The following TNKS2 variants were observed in gnomAD, a reference collection of about 807,000 sequenced individuals.
The protein encoded by TNKS2 is poly [ADP-ribose] polymerase tankyrase-2.
TNKS2 carries 72 observed loss-of-function variants against 137.6 expected under a neutral mutation model. The ratio of observed to expected loss-of-function variants is 0.52; its 90% confidence interval spans 0.43 to 0.64. The LOEUF (loss-of-function observed/expected upper bound fraction) is 0.64. TNKS2 is among the 30% of genes least tolerant of loss of function. TNKS2 has a pLI of 0.00. For synonymous variants in TNKS2, 516 were observed against 512.1 expected, an observed-to-expected ratio of 1.01 and a Z score of -0.10; for missense variants, 1,049 against 1,410.2, an observed-to-expected ratio of 0.74 and a Z score of 4.10.
At chr10:91,842,750 GTGAGACCC>G (rs1012719572) in intron 16 of TNKS2, among the ~76,000 whole-genome samples, 2 of 150,768 alleles carry the variant, frequency 1.3e-5, no homozygotes, top group Non-Finnish European at 2.9e-5. Context: ...CAGAAACAAA[GTGAGACCC>G]TGTCTCAAAA....
chr10:91,848,775 C>T (rs1842458277), intron 19 of TNKS2, 140 bp downstream of exon 19: 1 of 915,280 alleles, frequency 1.1e-6, no homozygotes. Context: ...AAAGGTTTAA[C>T]CTTGTATTAC....
chr10:91,799,139 CTTTGT>C (rs1844073164), intron 1 of TNKS2, among the ~76,000 whole-genome samples: 1 of 151,978 alleles, frequency 6.6e-6, no homozygotes, highest in Non-Finnish European at 1.5e-5. Flanking sequence ...GGGGTTTTGG[CTTTGT>C]TTTGTTTTAC....
intron 21 of TNKS2, 87 bp from the exon 22 acceptor site, chr10:91,854,942 A>T: frequency 1.4e-6 from 1 of 705,408 alleles, no homozygotes; most frequent in Non-Finnish European, 2.4e-6. Context: ...GGTAGTAAGA[A>T]TCAGAAAAAT....
intron 11 of TNKS2, 65 bp from the exon 12 acceptor site, chr10:91,833,788 T>C: frequency 1.5e-6 from 2 of 1,310,772 alleles, no homozygotes; most frequent in Non-Finnish European, 2.0e-6. Context: ...AAGTGTTAAA[T>C]ACATGATTGT....
At chr10:91,822,231 T>C in intron 6 of TNKS2, 65 bp from the exon 7 acceptor site, 1 of 1,265,950 alleles carries the variant, frequency 7.9e-7, no homozygotes, top group Non-Finnish European at 1.1e-6. Context: ...AATTTTAATT[T>C]ATAAATTTCC....
chr10:91,836,538 G>A (rs529643896), intron 12 of TNKS2: 12 of 709,104 alleles, frequency 1.7e-5, no homozygotes, highest in Non-Finnish European at 2.1e-5. Context: ...TTCCAGTTCA[G>A]ATAGCTAATT....
intron 18 of TNKS2, among the ~76,000 whole-genome samples, chr10:91,846,412 AC>A (rs1842372987): frequency 6.6e-6 from 1 of 152,126 alleles, no homozygotes; most frequent in Non-Finnish European, 1.5e-5. Flanking sequence ...TGCTCACCCT[AC>A]CTTAACTGTT....
At chr10:91,833,421 G>T (rs968220509) in intron 11 of TNKS2, among the ~76,000 whole-genome samples, 1 of 151,872 alleles carries the variant, frequency 6.6e-6, no homozygotes, top group Non-Finnish European at 1.5e-5. Flanking sequence ...TATATTTTAG[G>T]TAATAAATAA....
In TNKS2 at chr10:91,862,175, T is replaced by C. The variant is rs768200357; in HGVS notation, c.3438+20T>C. On this transcript the variant is annotated intron_variant, in intron 26 of 26. Transcript: ENST00000371627. ...GAACAGGTAATGTAGTTTTATTTGT[T>C]CATCTTCAAAAATGCTAGGGAGGCA... is the stretch of plus-strand genomic sequence containing the variant. 1.4e-5 allele frequency: 21 copies of C among 1,552,330 alleles called. No individual in the cohort carries two copies. Among genetic ancestry groups the C allele is most frequent in the Admixed American group, 9.7e-5 (5 of 51,480 alleles).
At chr10:91,815,449 A>C (rs533047123) in intron 2 of TNKS2, among the ~76,000 whole-genome samples, 1 of 149,708 alleles carries the variant, frequency 6.7e-6, no homozygotes, top group South Asian at 2.2e-4. Context: ...AGAATCTTAG[A>C]CATATAATTA....
At chr10:91,853,086 T>C (rs150295752) in intron 21 of TNKS2, among the ~76,000 whole-genome samples, 1 of 152,348 alleles carries the variant, frequency 6.6e-6, no homozygotes, top group African/African-American at 2.4e-5. Flanking sequence ...TGATCTGGTA[T>C]GATAACAATT....
intron 1 of TNKS2, among the ~76,000 whole-genome samples, chr10:91,805,973 T>C (rs563367986): frequency 6.6e-6 from 1 of 151,352 alleles, no homozygotes; most frequent in Non-Finnish European, 1.5e-5. Context: ...AAGTCAGGGC[T>C]AATGACAGCA....
intron 20 of TNKS2, among the ~76,000 whole-genome samples, chr10:91,850,773 C>T (rs1457434728): frequency 1.3e-5 from 2 of 152,132 alleles, no homozygotes; most frequent in Admixed American, 6.5e-5. Context: ...GAGCTAGGCT[C>T]ATCAGGGAAT....
At chr10:91,819,748 A>G (rs1270987135) in intron 5 of TNKS2, among the ~76,000 whole-genome samples, 191 bp downstream of exon 5, 2 of 152,202 alleles carry the variant, frequency 1.3e-5, no homozygotes, top group Non-Finnish European at 2.9e-5. Flanking sequence ...TGCTTCCTAT[A>G]TGCAATAGTG....
At chr10:91,851,149 A>G in intron 20 of TNKS2, 67 bp from the exon 21 acceptor site, 1 of 1,558,864 alleles carries the variant, frequency 6.4e-7, no homozygotes, top group Non-Finnish European at 8.7e-7. Flanking sequence ...CATATTATGA[A>G]AACACCAATA....
intron 9 of TNKS2, 64 bp downstream of exon 9, chr10:91,828,470 A>G (rs1180116728): frequency 2.2e-6 from 3 of 1,372,980 alleles, no homozygotes; most frequent in Non-Finnish European, 1.9e-6. Context: ...TAATCATAAT[A>G]TCCTACTTTT....
intron 13 of TNKS2, among the ~76,000 whole-genome samples, 185 bp downstream of exon 13, chr10:91,837,183 T>A (rs1268536804): frequency 6.6e-6 from 1 of 152,220 alleles, no homozygotes; most frequent in African/African-American, 2.4e-5. Context: ...AAGACTTCAC[T>A]TTCACCTGCA....
At chr10:91,806,939 A>G (rs1052975079) in intron 1 of TNKS2, among the ~76,000 whole-genome samples, 1 of 151,436 alleles carries the variant, frequency 6.6e-6, no homozygotes, top group Non-Finnish European at 1.5e-5. Context: ...AATAATCTCC[A>G]GTTTCTAAGA....
intron 7 of TNKS2, among the ~76,000 whole-genome samples, chr10:91,824,998 G>C (rs1845019864): frequency 6.6e-6 from 1 of 152,098 alleles, no homozygotes; most frequent in Non-Finnish European, 1.5e-5. Flanking sequence ...AGTATTGCAA[G>C]CAATATAATC....
Sources: allele counts gnomAD v4.1 joint callset (sites outside exome capture counted in the v4.1 genomes callset), GRCh38; gene constraint gnomAD v4.1.1; transcripts MANE v1.5; gene names NCBI Gene and HGNC (gene_info 2026-07-23, HGNC 2026-07-21).